The following PLCL2 variants were observed in gnomAD, a reference collection of about 807,000 sequenced individuals.
The protein encoded by PLCL2 is inactive phospholipase C-like protein 2.
A neutral mutation model predicts 79.6 loss-of-function variants in PLCL2; 4 were observed. The ratio of observed to expected loss-of-function variants is 0.05; its 90% CI spans 0.02 to 0.11. PLCL2 has a LOEUF of 0.11. Ranked by LOEUF, PLCL2 falls within the 10% of genes least tolerant of loss-of-function variation. The pLI is 1.00. For synonymous variants in PLCL2, 484 were observed against 457.7 expected, an observed-to-expected ratio of 1.06 and a Z score of -0.73; for missense variants, 895 against 1,291.0, an observed-to-expected ratio of 0.69 and a Z score of 4.70.
rs2064332196 is a variant in PLCL2, at chr3:17,012,100, G to C, written c.2754G>C (p.Glu918Asp). 1 of 1,614,038 alleles carries C rather than the reference G, an allele frequency of 6.2e-7. No individual in the cohort carries two copies. Among genetic ancestry groups the C allele is most frequent in the African/African-American group, 1.3e-5 (1 of 74,916 alleles). Residue 918 changes from glutamate (E) to aspartate (D), a missense_variant, in exon 2 of 6, where the codon GAG (glutamate) becomes GAC (aspartate). Around this residue, in one of 6 missense-constraint regions of PLCL2, gnomAD observed 298 missense variants for 459.6 expected, o/e 0.65. Transcript: ENST00000615277. The part of the protein sequence containing the change: ...LRTLWIKTVD[E>D]VFKNAQPPIR... The stretch of plus-strand genomic sequence containing the variant: ...CACTGTGGATTAAAACCGTGGATGA[G>C]GTATTCAAGAATGCCCAGCCCCCTA...
intron 1 of PLCL2, among the ~76,000 whole-genome samples, chr3:16,953,211 G>T (rs928721160): frequency 2.0e-5 from 3 of 152,116 alleles, no homozygotes; most frequent in African/African-American, 7.2e-5. Context: ...TAAAAATGGG[G>T]TGGTTGTGCA....
chr3:17,089,618 T>G (rs1442763242), intron 5 of PLCL2, 115 bp from the exon 6 acceptor site: 1 of 689,710 alleles, frequency 1.4e-6, no homozygotes, highest in Non-Finnish European at 2.5e-6. Context: ...TAAGAAATAA[T>G]TATGCCTTCT....
intron 1 of PLCL2, among the ~76,000 whole-genome samples, chr3:16,923,801 CTTCAT>C (rs2124936772): frequency 6.6e-6 from 1 of 152,026 alleles, no homozygotes; most frequent in African/African-American, 2.4e-5. Context: ...ACTCATTTTC[CTTCAT>C]TTCTTTTTCT....
At chr3:17,024,217 T>C (rs1168216009) in intron 3 of PLCL2, among the ~76,000 whole-genome samples, 2 of 152,308 alleles carry the variant, frequency 1.3e-5, no homozygotes, top group East Asian at 3.9e-4. Context: ...AATAACATTT[T>C]TTCGTAGAGC....
chr3:17,027,718 T>G (rs932789363), intron 3 of PLCL2, among the ~76,000 whole-genome samples: 5 of 152,174 alleles, frequency 3.3e-5, no homozygotes, highest in African/African-American at 7.2e-5. Flanking sequence ...AAGAATGGGA[T>G]TCTAATCGTT....
At chr3:17,041,280 A>G (rs543998960) in intron 3 of PLCL2, among the ~76,000 whole-genome samples, 1 of 152,340 alleles carries the variant, frequency 6.6e-6, no homozygotes, top group South Asian at 2.1e-4. Flanking sequence ...AAACTCTGCC[A>G]TAGGCTGTGG....
intron 1 of PLCL2, among the ~76,000 whole-genome samples, chr3:16,917,910 G>A (rs1418766144): frequency 6.6e-6 from 1 of 152,140 alleles, no homozygotes; most frequent in Admixed American, 6.5e-5. Context: ...ATGCAAAAGG[G>A]AAACTCAGTC....
chr3:17,019,738 CA>C (rs1228120495), intron 3 of PLCL2, among the ~76,000 whole-genome samples: 2 of 152,220 alleles, frequency 1.3e-5, no homozygotes, highest in Admixed American at 1.3e-4. Flanking sequence ...AAATCCCACT[CA>C]AAGAAATGCA....
At chr3:16,972,044 C>T (rs1160365742) in intron 1 of PLCL2, among the ~76,000 whole-genome samples, 1 of 151,852 alleles carries the variant, frequency 6.6e-6, no homozygotes, top group Non-Finnish European at 1.5e-5. Context: ...ATAATAAGAG[C>T]TATCTATGAC....
intron 1 of PLCL2, among the ~76,000 whole-genome samples, chr3:16,899,824 A>T (rs1272475412): frequency 6.6e-6 from 1 of 150,728 alleles, no homozygotes; most frequent in Non-Finnish European, 1.5e-5. Flanking sequence ...CCATTAAAAT[A>T]TCCCCCCCGC....
chr3:16,981,333 G>A (rs1190154358), intron 1 of PLCL2, among the ~76,000 whole-genome samples: 5 of 152,090 alleles, frequency 3.3e-5, no homozygotes, highest in African/African-American at 9.6e-5. Context: ...AAGTTTTTTT[G>A]TTTCTCTTTT....
intron 1 of PLCL2, among the ~76,000 whole-genome samples, chr3:16,996,706 A>C (rs557449476): frequency 6.6e-6 from 1 of 152,214 alleles, no homozygotes; most frequent in African/African-American, 2.4e-5. Flanking sequence ...TTATCAAAAA[A>C]AAAAAAGTTT....
At position 17,010,476 on chromosome 3, in the gene PLCL2, A is replaced by G; in HGVS notation, c.1130A>G (p.Asn377Ser). Residue 377 changes from asparagine (N) to serine (S), a missense_variant, in exon 2 of 6, where the codon AAT becomes AGT. Coordinates refer to ENST00000615277, the MANE Select transcript of PLCL2 (RefSeq NM_001144382.2). The surrounding 1 kb of genome is among the most constrained non-coding windows in gnomAD (Gnocchi z 5.8). Reference protein sequence around the residue: ...LEAEQGVAHINEEISLEIIHK... With the variant: ...LEAEQGVAHISEEISLEIIHK... ...GCAGAACAGGGTGTGGCACATATAA[A>G]TGAGGAAATAAGCCTTGAAATTATT... The G allele has an allele frequency of 6.2e-7, 1 of 1,614,126 alleles. No individual in the cohort carries two copies. The highest frequency in any genetic ancestry group is 8.5e-7 in the Non-Finnish European group (1 of 1,180,006).
At chr3:16,992,300 A>C (rs973511754) in intron 1 of PLCL2, among the ~76,000 whole-genome samples, 2 of 152,030 alleles carry the variant, frequency 1.3e-5, no homozygotes, top group African/African-American at 4.8e-5. Context: ...CAGTGCCTTC[A>C]CCCTTCCTGG....
intron 1 of PLCL2, among the ~76,000 whole-genome samples, chr3:16,972,338 T>C (rs765003555): frequency 2.6e-5 from 4 of 152,220 alleles, no homozygotes; most frequent in South Asian, 2.1e-4. Context: ...TATATTTTTA[T>C]TGTGCAGTGG....
Position 17,010,263 on chromosome 3 carries a change from G to C in PLCL2, c.917G>C (p.Ser306Thr). Reference sequence around the variant, plus strand: ...AACCTCAATCCTGGTTTAAAAACGAGCAAAATTGAGCTTAAGTTCAAAGAA... The same window carrying C: ...AACCTCAATCCTGGTTTAAAAACGACCAAAATTGAGCTTAAGTTCAAAGAA... The part of the protein sequence containing the change: ...IRNLNPGLKT[S>T]KIELKFKELH... Residue 306 changes from serine (S) to threonine (T), a missense_variant, in exon 2 of 6, where the codon AGC becomes ACC. By Grantham distance (58) the Ser-to-Thr change is moderately conservative. This residue lies in a region of PLCL2 where 93 missense variants were observed against 93.2 expected (regional missense o/e 1.00). Transcript: ENST00000615277. This position sits in a 1 kb window ranked among gnomAD's most constrained non-coding sequence, Gnocchi z 5.8. 6.2e-7 allele frequency: 1 copy of C among 1,613,850 alleles called. No individual in the cohort carries two copies. The highest frequency in any genetic ancestry group is 8.5e-7 in the Non-Finnish European group (1 of 1,179,812).
At chr3:16,938,017 G>T (rs1454542380) in intron 1 of PLCL2, among the ~76,000 whole-genome samples, 2 of 152,192 alleles carry the variant, frequency 1.3e-5, no homozygotes, top group Non-Finnish European at 2.9e-5. Flanking sequence ...AAATATACAT[G>T]TCTTACATAG....
intron 4 of PLCL2, among the ~76,000 whole-genome samples, chr3:17,063,351 A>C (rs2064975402): frequency 8.0e-6 from 1 of 125,100 alleles, no homozygotes; most frequent in Non-Finnish European, 1.6e-5. Context: ...CAGTTCTTAG[A>C]TTTTCTGATA....
intron 3 of PLCL2, chr3:17,035,806 A>C (rs753391038): frequency 5.9e-6 from 3 of 510,902 alleles, no homozygotes; most frequent in Non-Finnish European, 1.2e-5. Flanking sequence ...GCTTAACAAT[A>C]TTTTACATGA....
Sources: gnomAD v4.1 joint callset for allele counts (sites outside exome capture counted in the v4.1 genomes callset) on GRCh38, gnomAD v4.1.1 for gene constraint, gnomAD v4.1.1 regional missense constraint, Gnocchi (gnomAD v3.1) non-coding constraint, MANE v1.5 for transcripts, NCBI Gene and HGNC (gene_info 2026-07-23, HGNC 2026-07-21) for gene names.